Variants in GRIK5 observed in about 807,000 individuals in gnomAD.
GRIK5 encodes glutamate ionotropic receptor kainate type subunit 5.
Under a neutral mutation model 97.4 loss-of-function variants are expected in GRIK5, and 43 were observed. The ratio of observed to expected loss-of-function variants is 0.44; its 90% CI spans 0.35 to 0.57. The LOEUF (loss-of-function observed/expected upper bound fraction) is 0.57, where lower values mean the gene tolerates loss of function less well. Ranked by LOEUF, GRIK5 falls within the 20% of genes least tolerant of loss-of-function variation. The pLI is 0.01. For missense variants in GRIK5, 1,015 were observed against 1,382.0 expected (o/e 0.73, Z 4.21); for synonymous variants, 580 against 583.5 (o/e 0.99, Z 0.09).
chr19:42,019,971 T>C (rs1012404156), intron 15 of GRIK5, among the ~76,000 whole-genome samples: 25 of 152,008 alleles, frequency 1.6e-4, no homozygotes, highest in Admixed American at 3.9e-4. Context: ...AGAGCTTTCA[T>C]TGGGTTTTTT....
At chr19:42,055,126 G>C (rs1420789759) in intron 8 of GRIK5, among the ~76,000 whole-genome samples, 1 of 152,224 alleles carries the variant, frequency 6.6e-6, no homozygotes, top group Admixed American at 6.5e-5. Context: ...AAAGCACTCA[G>C]AACAGTGCCT....
Position 42,042,840 on chromosome 19 carries a change from G to T in GRIK5, c.1270-85C>A. ...TCCTGGAGCCCGGACCAGGCAGGTA[G>T]AGCAGGAATCTGCTTGCTGAGCACG... On this transcript the variant is annotated intron_variant, in intron 11 of 19. Transcript: ENST00000593562. This position sits in a 1 kb window ranked among gnomAD's most constrained non-coding sequence, Gnocchi z 6.9. The T allele has an allele frequency of 9.8e-7, 1 of 1,018,138 alleles. No homozygotes were observed. The highest frequency in any genetic ancestry group is 1.5e-6 in the Non-Finnish European group (1 of 679,432). The allele number at this position is 1,018,138 out of a possible 1,614,324, so 63.1% of individuals were successfully genotyped here.
intron 12 of GRIK5, among the ~76,000 whole-genome samples, chr19:42,030,438 C>A (rs1415869457): frequency 6.6e-6 from 1 of 151,502 alleles, no homozygotes; most frequent in Non-Finnish European, 1.5e-5. Context: ...ATTAGAGGCG[C>A]GAGCCACCGT....
At chr19:42,029,377 T>G (rs907397457) in intron 12 of GRIK5, among the ~76,000 whole-genome samples, 5 of 151,262 alleles carry the variant, frequency 3.3e-5, no homozygotes, top group Non-Finnish European at 2.9e-5. Flanking sequence ...CTACAAAAAC[T>G]TTTAAGAATT....
chr19:42,044,144 C>A (rs1330083279), intron 11 of GRIK5, among the ~76,000 whole-genome samples: 4 of 152,184 alleles, frequency 2.6e-5, no homozygotes, highest in Non-Finnish European at 4.4e-5. Context: ...CTCTCTCCTG[C>A]TGCCTTGTGA....
intron 1 of GRIK5, chr19:42,068,938 G>A (rs1222892328): frequency 4.7e-6 from 3 of 637,392 alleles, no homozygotes; most frequent in Non-Finnish European, 5.7e-6. Context: ...GACAGCAGGG[G>A]CACGGACATG....
rs148281636 is a variant in GRIK5 at position 42,048,615 on chromosome 19, G to T, written c.1269+4987C>A. Reference sequence around the variant, plus strand: ...AGCCTGGGTGACAGAGCAAGATTCTGTCTCAAAATAAAAAAATAAACAAAT... The same window carrying T: ...AGCCTGGGTGACAGAGCAAGATTCTTTCTCAAAATAAAAAAATAAACAAAT... On this transcript the variant is annotated intron_variant, in intron 11 of 19. Coordinates refer to ENST00000593562, the MANE Select transcript of GRIK5 (RefSeq NM_002088.5). 1.1e-4 allele frequency among the ~76,000 whole-genome samples: 17 copies of T among 150,354 alleles called. No individual in the cohort carries two copies. In the East Asian group the frequency reaches 2.6e-3, roughly 23 times the overall value.
In GRIK5 at chr19:42,056,723, A is replaced by G; in HGVS notation, c.842T>C (p.Val281Ala). 6.2e-7 allele frequency: 1 copy of G among 1,614,136 alleles called. No individual in the cohort carries two copies. Among genetic ancestry groups the G allele is most frequent in the Non-Finnish European group, 8.5e-7 (1 of 1,179,994 alleles). ...NTSHPFYPEF[V>A]RSLNMSWREN... ...CCTCCAGGACATGTTGAGGCTGCGGACAAACTCAGGGTAGAAGGGGTGGGA... is the reference window on the plus strand; with the variant it reads ...CCTCCAGGACATGTTGAGGCTGCGGGCAAACTCAGGGTAGAAGGGGTGGGA... Residue 281 changes from valine (V) to alanine (A), a missense_variant, in exon 8 of 20, where the codon GTC becomes GCC. This residue lies in a region of GRIK5 where 477 missense variants were observed against 701.1 expected (regional missense o/e 0.68). Coordinates refer to ENST00000593562, the MANE Select transcript of GRIK5 (RefSeq NM_002088.5).
rs1372592036 is a variant in GRIK5, at chr19:42,069,576, G to C, written c.-386C>G. On this transcript the variant is annotated 5_prime_UTR_variant, in exon 1 of 20. Coordinates refer to ENST00000593562, the MANE Select transcript of GRIK5 (RefSeq NM_002088.5). ...AGAGGAAGGTGAAAACGGAAGGGGG[G>C]GGCACAGGCAAAGCCGGGGGAGGGG... The C allele has an allele frequency of 7.1e-6, 1 of 139,992 alleles. No homozygotes were observed. The highest frequency in any genetic ancestry group is 7.0e-5 in the Admixed American group (1 of 14,320). The allele number at this position is 139,992 out of a possible 1,614,324, so 8.7% of individuals were successfully genotyped here. A position where few individuals can be genotyped will look rare whatever the true frequency, so the allele number is the denominator to read the frequency against.
At chr19:42,043,414 T>G (rs1283137023) in intron 11 of GRIK5, among the ~76,000 whole-genome samples, 1 of 149,044 alleles carries the variant, frequency 6.7e-6, no homozygotes, top group African/African-American at 2.5e-5. Flanking sequence ...TTTTTTTTTT[T>G]TTTTTTTTTG....
chr19:42,016,932 C>T (rs1041838984), intron 15 of GRIK5, among the ~76,000 whole-genome samples: 1 of 151,892 alleles, frequency 6.6e-6, no homozygotes, highest in Non-Finnish European at 1.5e-5. Flanking sequence ...CATTAAAAAC[C>T]CAAGTTTTTT....
intron 17 of GRIK5, among the ~76,000 whole-genome samples, chr19:42,004,149 C>A (rs549582473): frequency 2.0e-5 from 3 of 152,276 alleles, no homozygotes; most frequent in African/African-American, 7.2e-5. Context: ...TGGCACCAAG[C>A]GCCCCACTCC....
At chr19:42,064,216 C>T (rs781687133) in intron 3 of GRIK5, among the ~76,000 whole-genome samples, 1 of 152,302 alleles carries the variant, frequency 6.6e-6, no homozygotes, top group South Asian at 2.1e-4. Context: ...AAGCCTCACT[C>T]CCTGGTATAG....
At chr19:42,013,035 A>G (rs903202954) in intron 15 of GRIK5, among the ~76,000 whole-genome samples, 7 of 152,162 alleles carry the variant, frequency 4.6e-5, no homozygotes, top group Non-Finnish European at 8.8e-5. Flanking sequence ...GCTGGAACAA[A>G]GACCATATGA....
At chr19:42,014,028 C>CAAA (rs1050872672) in intron 15 of GRIK5, among the ~76,000 whole-genome samples, 5 of 69,726 alleles carry the variant, frequency 7.2e-5, no homozygotes, top group African/African-American at 2.1e-4. Context: ...GACTCCATCT[C>CAAA]AAAAAAAAAA....
rs187445570 is a variant in GRIK5 at position 42,025,465 on chromosome 19, G to C, written c.1474-3111C>G. Among the ~76,000 whole-genome samples, 28 of 152,206 alleles carry C rather than the reference G, an allele frequency of 1.8e-4. No individual in the cohort carries two copies. In the East Asian group the frequency reaches 5.4e-3, roughly 29 times the overall value. ...TTCAAGAAATGAGGGCTGACTGATG[G>C]GAGGAGTCAGTGAGTCCTTGAACCT... On this transcript the variant is annotated intron_variant, in intron 12 of 19. Coordinates refer to ENST00000593562, the MANE Select transcript of GRIK5 (RefSeq NM_002088.5).
chr19:42,006,563 G>T lies in GRIK5; in HGVS notation c.2037+82C>A. 8.1e-7 allele frequency: 1 copy of T among 1,237,402 alleles called. No homozygotes were observed. 76.7% of individuals were successfully genotyped at this position (1,237,402 alleles called of 1,614,324 possible). On this transcript the variant is annotated intron_variant, in intron 16 of 19. Coordinates refer to ENST00000593562, the MANE Select transcript of GRIK5 (RefSeq NM_002088.5). This position sits in a 1 kb window ranked among gnomAD's most constrained non-coding sequence, Gnocchi z 5.3. ...CTGACAATCAGTCCCTCTGACCCAG[G>T]AGACCCTGCCCAGACCCATCCTGAG...
At chr19:42,034,342 C>T (rs764633784) in intron 12 of GRIK5, among the ~76,000 whole-genome samples, 1 of 152,084 alleles carries the variant, frequency 6.6e-6, no homozygotes, top group Non-Finnish European at 1.5e-5. Flanking sequence ...CCACTGCACT[C>T]CAGCCTCGGT....
At chr19:42,064,855 G>A (rs1219439483) in intron 3 of GRIK5, among the ~76,000 whole-genome samples, 1 of 152,192 alleles carries the variant, frequency 6.6e-6, no homozygotes, top group Non-Finnish European at 1.5e-5. Flanking sequence ...TCAGAGCTCA[G>A]TTTCAGACTA....
Sources: allele counts gnomAD v4.1 joint callset (sites outside exome capture counted in the v4.1 genomes callset), GRCh38; gene constraint gnomAD v4.1.1; regional missense constraint gnomAD v4.1.1; non-coding constraint Gnocchi (gnomAD v3.1); transcripts MANE v1.5; gene names NCBI Gene and HGNC (gene_info 2026-07-23, HGNC 2026-07-21).